Variants in XKR5 observed in about 807,000 individuals in gnomAD.
XKR5 encodes XK related 5.
A neutral mutation model predicts 40.8 loss-of-function variants in XKR5; 46 were observed. That is an observed-to-expected ratio of 1.13 (90% CI 0.89 to 1.44). The LOEUF (loss-of-function observed/expected upper bound fraction) is 1.44. XKR5 is among the 40% of genes most tolerant of loss of function. XKR5 has a pLI of 0.00. For missense variants in XKR5, 1,169 were observed against 844.7 expected (o/e 1.38, Z -4.76); for synonymous variants, 466 against 356.1 (o/e 1.31, Z -3.48).
chr8:6,815,542 C>A (rs1022542422), intron 6 of XKR5, among the ~76,000 whole-genome samples: 3 of 152,096 alleles, frequency 2.0e-5, no homozygotes, highest in Admixed American at 1.3e-4. Flanking sequence ...CAGGAAGCTC[C>A]GGGGAGGACG....
At chr8:6,817,844 G>A (rs1804033294) in intron 5 of XKR5, among the ~76,000 whole-genome samples, 1 of 152,178 alleles carries the variant, frequency 6.6e-6, no homozygotes, top group Non-Finnish European at 1.5e-5. Context: ...TAACAGGACT[G>A]ACTCCTGCCT....
intron 6 of XKR5, among the ~76,000 whole-genome samples, chr8:6,813,879 G>T (rs1803845128): frequency 6.6e-6 from 1 of 152,208 alleles, no homozygotes; most frequent in South Asian, 2.1e-4. Context: ...TTTCGGAGTG[G>T]TGTAGGACAT....
Position 6,815,925 on chromosome 8 carries a change from G to C in XKR5, c.808-7C>G. 6.3e-7 allele frequency: 1 copy of C among 1,587,618 alleles called. No homozygotes were observed. The highest frequency in any genetic ancestry group is 8.6e-7 in the Non-Finnish European group (1 of 1,166,340). Reference sequence around the variant, plus strand: ...TGTTCTCCAACAGCATGACCTGCGGGACCCAGGACAGAGGCACCACACCTC... The same window carrying C: ...TGTTCTCCAACAGCATGACCTGCGGCACCCAGGACAGAGGCACCACACCTC... On this transcript the variant is annotated splice_polypyrimidine_tract_variant and splice_region_variant and intron_variant, in intron 5 of 6. Transcript: ENST00000618742.
intron 2 of XKR5, among the ~76,000 whole-genome samples, chr8:6,830,358 CTT>C (rs1401280674): frequency 1.3e-5 from 2 of 152,198 alleles, no homozygotes; most frequent in Non-Finnish European, 2.9e-5. Flanking sequence ...TCAGTGTTGT[CTT>C]TGAACCCTAT....
Position 6,810,094 on chromosome 8 carries a change from CAGAG to C in XKR5, c.*1100_*1103del, listed in dbSNP as rs1240339150. 6.6e-6 allele frequency: 1 copy of C among 152,322 alleles called. No homozygotes were observed. The highest frequency in any genetic ancestry group is 1.5e-5 in the Non-Finnish European group (1 of 68,124). 9.4% of individuals were successfully genotyped at this position (152,322 alleles called of 1,614,324 possible). On this transcript the variant is annotated 3_prime_UTR_variant, in exon 7 of 7. Coordinates refer to ENST00000618742, the MANE Select transcript of XKR5 (RefSeq NM_207411.5). ...TGCCACTGCACTCCAGCCTGGGTGA[CAGAG>C]AGGCCCTGTCTCAACAAATAAACAA... is the stretch of plus-strand genomic sequence containing the variant.
intron 2 of XKR5, among the ~76,000 whole-genome samples, chr8:6,828,296 G>A (rs753907550): frequency 6.6e-6 from 1 of 152,198 alleles, no homozygotes; most frequent in Non-Finnish European, 1.5e-5. Flanking sequence ...ACAGGTAGAT[G>A]GTAGGAAGAG....
intron 3 of XKR5, among the ~76,000 whole-genome samples, chr8:6,824,239 A>G (rs929030029): frequency 2.7e-5 from 4 of 147,120 alleles, no homozygotes; most frequent in Non-Finnish European, 6.0e-5. Flanking sequence ...GAAGCATTTA[A>G]TTTGTGCATA....
intron 3 of XKR5, among the ~76,000 whole-genome samples, chr8:6,824,351 T>C (rs769070533): frequency 4.0e-5 from 6 of 150,430 alleles, no homozygotes; most frequent in Non-Finnish European, 8.9e-5. Context: ...GAAAAGGGGA[T>C]AGCAGGAGGG....
At chr8:6,830,433 C>G (rs1028045911) in intron 2 of XKR5, among the ~76,000 whole-genome samples, 1 of 152,190 alleles carries the variant, frequency 6.6e-6, no homozygotes, top group African/African-American at 2.4e-5. Context: ...AAGCTTTCCT[C>G]TATGGAAGTA....
At chr8:6,830,146 G>A (rs966263803) in intron 2 of XKR5, among the ~76,000 whole-genome samples, 1 of 152,108 alleles carries the variant, frequency 6.6e-6, no homozygotes, top group Non-Finnish European at 1.5e-5. Flanking sequence ...CTCAATCCTT[G>A]CATTTTTATA....
At chr8:6,823,879 T>C (rs975900332) in intron 3 of XKR5, 149 bp from the exon 4 acceptor site, 5 of 669,428 alleles carry the variant, frequency 7.5e-6, no homozygotes, top group Non-Finnish European at 1.3e-5. Flanking sequence ...CCCACCACTT[T>C]GACCAGTAGG....
intron 5 of XKR5, 101 bp from the exon 6 acceptor site, chr8:6,816,019 G>T: frequency 1.2e-6 from 1 of 823,960 alleles, no homozygotes. Flanking sequence ...CCTCCATCCT[G>T]AGTGCCCACT....
intron 5 of XKR5, among the ~76,000 whole-genome samples, chr8:6,817,810 C>G (rs555498013): frequency 6.6e-6 from 1 of 152,328 alleles, no homozygotes; most frequent in East Asian, 1.9e-4. Flanking sequence ...AATACAAACT[C>G]CAAGCCTGGT....
chr8:6,811,850 G>A lies in XKR5; in HGVS notation c.1409C>T (p.Ala470Val), dbSNP rs912726453. The A allele has an allele frequency of 5.2e-5, 80 of 1,537,482 alleles. No individual in the cohort carries two copies. The highest frequency in any genetic ancestry group is 9.8e-5 in the East Asian group (4 of 40,930). The change falls in exon 7 of 7, where the codon GCG (alanine) becomes GTG (valine). Residue 470 changes from alanine to valine, a missense_variant. Coordinates refer to ENST00000618742, the MANE Select transcript of XKR5 (RefSeq NM_207411.5). ...RDPSTLENSS[A>V]FEGVPKAEAD... ...CTCTGCTTTAGGGACACCTTCAAAC[G>A]CAGAGCTGTTCTCTAAGGTTGAGGG...
rs553713355 is a variant in XKR5 at position 6,826,584 on chromosome 8, A to G, written c.243-1235T>C. Among the ~76,000 whole-genome samples the G allele has an allele frequency of 3.9e-5, 6 of 152,258 alleles. No individual in the cohort carries two copies. The East Asian group carries it at 1.2e-3, about 29-fold the overall frequency. On this transcript the variant is annotated intron_variant, in intron 2 of 6. Transcript: ENST00000618742. ...TTGGAAATGGTGGTGCTACCGACGG[A>G]AATAAGCCAGGTGAGGAGTGCTGGA...
At chr8:6,827,406 A>C (rs1468594182) in intron 2 of XKR5, among the ~76,000 whole-genome samples, 1 of 152,228 alleles carries the variant, frequency 6.6e-6, no homozygotes, top group African/African-American at 2.4e-5. Flanking sequence ...TCTGACTGGC[A>C]GGTGACAAGC....
rs1386134650 is a variant in XKR5, at chr8:6,821,956, G to C, written c.720C>G (p.Phe240Leu). Residue 240 changes from phenylalanine to leucine, a missense_variant, in exon 5 of 7, where the codon TTC becomes TTG. Phe to Leu is a conservative substitution (Grantham distance 22, BLOSUM62 0). Coordinates refer to ENST00000618742, the MANE Select transcript of XKR5 (RefSeq NM_207411.5). Reference sequence around the variant, plus strand: ...TGTACACGGCCCCCACGAGCAGGTTGAACAGCCTCCAGTGGCAGGTGCTGT... The same window carrying C: ...TGTACACGGCCCCCACGAGCAGGTTCAACAGCCTCCAGTGGCAGGTGCTGT... ...IIDSTCHWRL[F>L]NLLVGAVYIL... The C allele has an allele frequency of 6.8e-6, 11 of 1,612,590 alleles. No homozygotes were observed. The East Asian group carries it at 2.5e-4, about 36-fold the overall frequency.
rs552502498 is a variant in XKR5 at position 6,835,104 on chromosome 8, C to A, written c.58+332G>T. Among the ~76,000 whole-genome samples the A allele has an allele frequency of 7.2e-5, 11 of 152,244 alleles. No homozygotes were observed. In the East Asian group the frequency reaches 1.7e-3, roughly 24 times the overall value. On this transcript the variant is annotated intron_variant, in intron 1 of 6. Coordinates refer to ENST00000618742, the MANE Select transcript of XKR5 (RefSeq NM_207411.5). The stretch of plus-strand genomic sequence containing the variant: ...ATGGAAGGAAGGGCGGATACATCTC[C>A]CCTGCTTCTGCGAGGGGATCTTGCA...
chr8:6,826,362 G>C (rs1044721962), intron 2 of XKR5, among the ~76,000 whole-genome samples: 1 of 152,042 alleles, frequency 6.6e-6, no homozygotes, highest in African/African-American at 2.4e-5. Flanking sequence ...TAGTGTGGGT[G>C]TATGAACAGG....
Sources: allele counts gnomAD v4.1 joint callset (sites outside exome capture counted in the v4.1 genomes callset), GRCh38; gene constraint gnomAD v4.1.1; transcripts MANE v1.5; gene names NCBI Gene and HGNC (gene_info 2026-07-23, HGNC 2026-07-21).